ALS2: variants seen among roughly 807,000 people sequenced by gnomAD.
ALS2 encodes alsin.
ALS2 carries 117 observed loss-of-function variants against 203.4 expected under a neutral mutation model. That is an observed-to-expected ratio of 0.58 (90% confidence interval 0.50 to 0.67). The LOEUF (loss-of-function observed/expected upper bound fraction) is 0.67. Among genes scored for constraint, ALS2 ranks in the 30% least tolerant of loss-of-function variants. ALS2 has a pLI of 0.00. For synonymous variants in ALS2, 718 were observed against 725.9 expected (o/e 0.99, Z 0.17); for missense variants, 1,715 against 1,989.4 (o/e 0.86, Z 2.62).
intron 10 of ALS2, among the ~76,000 whole-genome samples, chr2:201,744,047 C>G (rs920836610): frequency 2.0e-5 from 3 of 152,116 alleles, no homozygotes; most frequent in African/African-American, 2.4e-5. Flanking sequence ...GCCGCAGGAG[C>G]TCTGGGAGTG....
intron 28 of ALS2, 63 bp from the exon 29 acceptor site, chr2:201,707,085 A>G (rs1486182616): frequency 6.7e-7 from 1 of 1,481,676 alleles, no homozygotes; most frequent in East Asian, 2.4e-5. Context: ...TACAGAATCC[A>G]AGGTAGAGCT....
At position 201,767,677 on chromosome 2, in the gene ALS2, C is replaced by T. The variant is rs12465561; in HGVS notation, c.21-294G>A. Among the ~76,000 whole-genome samples the T allele has an allele frequency of 0.99, 149,515 of 151,144 alleles. 73,972 individuals carry two copies. Among genetic ancestry groups the T allele is most frequent in the Middle Eastern group, 1 (294 of 294 alleles). ...GAGCTCGAGACCAGCCTGGCTAATA[C>T]GGTGAAACCCTGTTTCTACTAAAAA... On this transcript the variant is annotated intron_variant, in intron 2 of 33. Coordinates refer to ENST00000264276, the MANE Select transcript of ALS2 (RefSeq NM_020919.4).
chr2:201,729,256 T>A, intron 13 of ALS2, 73 bp from the exon 14 acceptor site: 1 of 1,523,712 alleles, frequency 6.6e-7, no homozygotes, highest in South Asian at 1.2e-5. Context: ...GTAGCCTCAG[T>A]CTGCCTTAGA....
Position 201,723,134 on chromosome 2 carries a change from C to T in ALS2, c.3625-14G>A, listed in dbSNP as rs1559046308. 1 of 1,603,244 alleles carries T rather than the reference C, an allele frequency of 6.2e-7. No homozygotes were observed. Among genetic ancestry groups the T allele is most frequent in the Non-Finnish European group, 8.5e-7 (1 of 1,170,402 alleles). ...AACCCCATTTCCCTACAAGAAGAAA[C>T]AAGAGAAAAATTACAACACATAAAA... is the stretch of plus-strand genomic sequence containing the variant. On this transcript the variant is annotated splice_polypyrimidine_tract_variant and intron_variant, in intron 22 of 33. Transcript: ENST00000264276.
chr2:201,778,195 C>G (rs967746536), intron 1 of ALS2, among the ~76,000 whole-genome samples: 1 of 152,034 alleles, frequency 6.6e-6, no homozygotes, highest in Non-Finnish European at 1.5e-5. Context: ...TGTGTGATGA[C>G]TCAAAAGAAA....
rs758954201 is a variant in ALS2 at position 201,706,829 on chromosome 2, G to A, written c.4580+17C>T. On this transcript the variant is annotated intron_variant, in intron 29 of 33. Transcript: ENST00000264276. ...AAATTAAAACCATTTGGTTGCGCTTGTAACTACTACACTTACCTCTGCACC... is the reference window on the plus strand; with the variant it reads ...AAATTAAAACCATTTGGTTGCGCTTATAACTACTACACTTACCTCTGCACC... 4.3e-6 allele frequency: 7 copies of A among 1,613,674 alleles called. No individual in the cohort carries two copies. The highest frequency in any genetic ancestry group is 5.9e-6 in the Non-Finnish European group (7 of 1,179,822).
chr2:201,726,146 G>A (rs1389815654), intron 19 of ALS2, among the ~76,000 whole-genome samples: 1 of 152,128 alleles, frequency 6.6e-6, no homozygotes, highest in Non-Finnish European at 1.5e-5. Context: ...TGTCCTTTGT[G>A]TAAAGGAGGA....
intron 10 of ALS2, among the ~76,000 whole-genome samples, chr2:201,743,070 CAAAAAAAA>C (rs760707229): frequency 8.7e-6 from 1 of 114,782 alleles, no homozygotes; most frequent in African/African-American, 3.7e-5. Flanking sequence ...GACTCTGTCT[CAAAAAAAA>C]AAAAAAAAGA....
At chr2:201,770,096 CT>C (rs1276081234) in intron 1 of ALS2, among the ~76,000 whole-genome samples, 1 of 152,138 alleles carries the variant, frequency 6.6e-6, no homozygotes, top group Non-Finnish European at 1.5e-5. Context: ...AGTAATTAGC[CT>C]TTTGTAAAAT....
intron 26 of ALS2, among the ~76,000 whole-genome samples, chr2:201,710,683 G>A (rs1336254211): frequency 2.0e-5 from 3 of 152,048 alleles, no homozygotes; most frequent in Non-Finnish European, 4.4e-5. Context: ...CCAGGGGTGA[G>A]GGCAGCATGC....
chr2:201,741,821 A>C lies in ALS2; in HGVS notation c.2204T>G (p.Leu735Trp). Residue 735 changes from leucine to tryptophan, a missense_variant, in exon 11 of 34, where the codon TTG (leucine) becomes TGG (tryptophan). By Grantham distance (61) the Leu-to-Trp change is moderately conservative. Transcript: ENST00000264276. ...GCTGAATCGGCTAGCCACCTCCTGCAACAGCTGGACTGTAGTTGTAGTGCC... is the reference window on the plus strand; with the variant it reads ...GCTGAATCGGCTAGCCACCTCCTGCCACAGCTGGACTGTAGTTGTAGTGCC... ...NLGTTTTVQLLQEVASRFSKL... is the reference protein window; with the variant it reads ...NLGTTTTVQLWQEVASRFSKL... The C allele has an allele frequency of 1.9e-6, 3 of 1,614,132 alleles. No individual in the cohort carries two copies. Among genetic ancestry groups the C allele is most frequent in the Non-Finnish European group, 1.7e-6 (2 of 1,180,006 alleles).
chr2:201,703,972 T>G, intron 33 of ALS2, 150 bp downstream of exon 33: 1 of 672,914 alleles, frequency 1.5e-6, no homozygotes, highest in South Asian at 1.9e-5. Context: ...TACTATATAA[T>G]GTTTTAAAGT....
intron 7 of ALS2, among the ~76,000 whole-genome samples, chr2:201,751,899 T>C (rs1693088884): frequency 6.6e-6 from 1 of 152,200 alleles, no homozygotes; most frequent in African/African-American, 2.4e-5. Context: ...ACTCAAGTCT[T>C]GTTTTCCCAA....
intron 23 of ALS2, chr2:201,720,248 A>G (rs1690679549): frequency 5.9e-6 from 2 of 341,522 alleles, no homozygotes; most frequent in South Asian, 4.5e-5. Context: ...CAACACCAAC[A>G]TATAAAAAAA....
chr2:201,732,258 T>C (rs1691602437), intron 13 of ALS2, among the ~76,000 whole-genome samples: 1 of 151,898 alleles, frequency 6.6e-6, no homozygotes, highest in African/African-American at 2.4e-5. Context: ...TTAAGAGGAT[T>C]CTAAACCTAC....
At chr2:201,760,763 T>C in intron 4 of ALS2, 118 bp downstream of exon 4, 1 of 1,453,274 alleles carries the variant, frequency 6.9e-7, no homozygotes, top group Middle Eastern at 1.9e-4. Context: ...AACAAAATTA[T>C]AATCAAACTC....
At chr2:201,776,749 C>T (rs1288247211) in intron 1 of ALS2, among the ~76,000 whole-genome samples, 1 of 152,138 alleles carries the variant, frequency 6.6e-6, no homozygotes, top group Non-Finnish European at 1.5e-5. Context: ...CATTCAGGGG[C>T]CACATAACTA....
intron 15 of ALS2, 39 bp from the exon 16 acceptor site, chr2:201,727,814 A>G (rs1326435979): frequency 3.3e-6 from 5 of 1,533,702 alleles, no homozygotes; most frequent in Non-Finnish European, 2.7e-6. Context: ...ATGAAAGCCC[A>G]TGTAGACCTC....
intron 20 of ALS2, among the ~76,000 whole-genome samples, chr2:201,724,731 A>C (rs983322938): frequency 6.6e-6 from 1 of 152,206 alleles, no homozygotes; most frequent in Non-Finnish European, 1.5e-5. Flanking sequence ...TATTTTTAAG[A>C]GGGAAGAATA....
Sources: allele counts gnomAD v4.1 joint callset (sites outside exome capture counted in the v4.1 genomes callset), GRCh38; gene constraint gnomAD v4.1.1; transcripts MANE v1.5; gene names NCBI Gene and HGNC (gene_info 2026-07-23, HGNC 2026-07-21).